Variants in AGBL1 observed in about 807,000 individuals in gnomAD.
AGBL1 encodes AGBL carboxypeptidase 1, also known as cytosolic carboxypeptidase 4.
Under a neutral mutation model 118.9 loss-of-function variants are expected in AGBL1, and 130 were observed. The ratio of observed to expected loss-of-function variants is 1.09; its 90% CI spans 0.95 to 1.26. AGBL1 has a LOEUF of 1.26. Among genes scored for constraint, AGBL1 ranks in the 50% most tolerant of loss-of-function variants. The pLI, the probability that AGBL1 is intolerant of heterozygous loss-of-function variation, is 0.00. For missense variants in AGBL1, 1,584 were observed against 1,298.1 expected (o/e 1.22, Z -3.38); for synonymous variants, 555 against 478.9 (o/e 1.16, Z -2.08).
intron 1 of AGBL1, among the ~76,000 whole-genome samples, chr15:86,110,388 AAGTT>A (rs1361157086): frequency 5.3e-5 from 8 of 152,200 alleles, no homozygotes; most frequent in South Asian, 2.1e-4. Context: ...ACAATAAAGT[AAGTT>A]AGAGAAAACA....
At chr15:86,448,359 C>T (rs1316129618) in intron 18 of AGBL1, among the ~76,000 whole-genome samples, 1 of 152,022 alleles carries the variant, frequency 6.6e-6, no homozygotes, top group Non-Finnish European at 1.5e-5. Flanking sequence ...GATAAGACGT[C>T]GATTATCTCA....
At chr15:86,135,953 G>A (rs2076883227) in intron 1 of AGBL1, among the ~76,000 whole-genome samples, 1 of 152,198 alleles carries the variant, frequency 6.6e-6, no homozygotes, top group Non-Finnish European at 1.5e-5. Flanking sequence ...CATGGAAGAG[G>A]TCCAGGTACC....
At chr15:86,733,597 G>GTTT (rs1419578483) in intron 22 of AGBL1, among the ~76,000 whole-genome samples, 2 of 152,060 alleles carry the variant, frequency 1.3e-5, no homozygotes, top group Non-Finnish European at 2.9e-5. Flanking sequence ...ATTCCCAGTG[G>GTTT]TTTGTTGTTG....
chr15:86,124,344 A>C (rs1165909640), intron 1 of AGBL1, among the ~76,000 whole-genome samples: 1 of 151,412 alleles, frequency 6.6e-6, no homozygotes, highest in East Asian at 1.9e-4. Context: ...AAAAAAAAAA[A>C]AAACAAAGAA....
chr15:86,765,253 A>G (rs907550435), intron 22 of AGBL1, among the ~76,000 whole-genome samples: 1 of 151,994 alleles, frequency 6.6e-6, no homozygotes. Context: ...CTTGCAAAAA[A>G]TATGCTTTTT....
chr15:86,243,140 A>T (rs2078665480), intron 6 of AGBL1, among the ~76,000 whole-genome samples: 1 of 152,158 alleles, frequency 6.6e-6, no homozygotes, highest in South Asian at 2.1e-4. Flanking sequence ...CATCAAAAGG[A>T]TACATTTTTT....
At chr15:86,809,256 A>C (rs191239277) in intron 22 of AGBL1, among the ~76,000 whole-genome samples, 59 of 152,240 alleles carry the variant, frequency 3.9e-4, no homozygotes, top group Admixed American at 3.8e-3. Context: ...TCGTTTTTCT[A>C]CTTTTATAAC....
chr15:86,672,390 C>T (rs561122215), intron 21 of AGBL1, among the ~76,000 whole-genome samples: 2 of 152,312 alleles, frequency 1.3e-5, no homozygotes, highest in South Asian at 4.1e-4. Flanking sequence ...CCTAACCTAC[C>T]AGTATGGCAT....
intron 21 of AGBL1, among the ~76,000 whole-genome samples, chr15:86,650,712 C>T (rs924035139): frequency 3.9e-5 from 6 of 152,180 alleles, no homozygotes; most frequent in African/African-American, 9.7e-5. Flanking sequence ...TGTGATCCTC[C>T]AGCAACTGTC....
chr15:87,023,822 C>G (rs1567292398), intron 24 of AGBL1, among the ~76,000 whole-genome samples: 1 of 151,844 alleles, frequency 6.6e-6, no homozygotes, highest in Non-Finnish European at 1.5e-5. Context: ...GAAATCAACT[C>G]CAAAAGGAAA....
chr15:86,354,579 G>A (rs145019230), intron 17 of AGBL1, among the ~76,000 whole-genome samples: 136 of 152,288 alleles, frequency 8.9e-4, no homozygotes, highest in African/African-American at 3.2e-3. Flanking sequence ...ATATTAGCAT[G>A]ATGTGCATAG....
chr15:86,797,407 C>T (rs768835670), intron 22 of AGBL1, among the ~76,000 whole-genome samples: 3 of 152,196 alleles, frequency 2.0e-5, no homozygotes, highest in Non-Finnish European at 4.4e-5. Context: ...AAAAAAGGAG[C>T]AGAACCCCCT....
intron 5 of AGBL1, among the ~76,000 whole-genome samples, chr15:86,217,294 A>G (rs928071995): frequency 2.6e-5 from 4 of 152,188 alleles, no homozygotes; most frequent in Non-Finnish European, 5.9e-5. Context: ...ATATTTGTTG[A>G]ACGAAAGAAT....
In AGBL1 at chr15:86,481,222, A is replaced by C. The variant is rs941450888; in HGVS notation, c.2556-41588A>C. ...GGGTTTCTTGGCAATAAGGATATTG[A>C]GTACCTACTATGTGCTAGATGCTTT... On this transcript the variant is annotated intron_variant, in intron 18 of 22. Coordinates refer to ENST00000614907, the MANE Select transcript of AGBL1 (RefSeq NM_001386094.1). Among the ~76,000 whole-genome samples, 15 of 151,766 alleles carry C rather than the reference A, an allele frequency of 9.9e-5. 1 individual carries two copies. The highest frequency in any genetic ancestry group is 9.8e-4 in the Admixed American group (15 of 15,230).
intron 5 of AGBL1, among the ~76,000 whole-genome samples, chr15:86,193,201 G>A (rs1018704454): frequency 6.6e-6 from 1 of 152,132 alleles, no homozygotes; most frequent in Admixed American, 6.5e-5. Flanking sequence ...GTCACTGAGA[G>A]GAGGGTGAAT....
intron 21 of AGBL1, among the ~76,000 whole-genome samples, chr15:86,570,282 GT>G (rs769854236): frequency 3.3e-5 from 5 of 152,216 alleles, no homozygotes; most frequent in Non-Finnish European, 7.3e-5. Context: ...CCCAGCTATT[GT>G]CCAGGCTCTT....
intron 18 of AGBL1, among the ~76,000 whole-genome samples, chr15:86,508,568 C>T (rs898121411): frequency 4.3e-5 from 6 of 138,962 alleles, no homozygotes; most frequent in East Asian, 2.3e-4. Flanking sequence ...GGATTTTTTT[C>T]GAGGATTAAA....
intron 18 of AGBL1, among the ~76,000 whole-genome samples, chr15:86,423,533 C>T (rs2081821477): frequency 6.6e-6 from 1 of 152,068 alleles, no homozygotes. Flanking sequence ...GAAGTTCTGG[C>T]CCGGGTAATC....
chr15:86,446,019 G>A (rs1040282922), intron 18 of AGBL1, among the ~76,000 whole-genome samples: 3 of 152,174 alleles, frequency 2.0e-5, no homozygotes, highest in Non-Finnish European at 4.4e-5. Context: ...GAAGAATGAA[G>A]AAGGGAGAGA....
Sources: gnomAD v4.1 joint callset for allele counts (sites outside exome capture counted in the v4.1 genomes callset) on GRCh38, gnomAD v4.1.1 for gene constraint, MANE v1.5 for transcripts, NCBI Gene and HGNC (gene_info 2026-07-23, HGNC 2026-07-21) for gene names.